SYT9: variants seen among roughly 807,000 people sequenced by gnomAD.
SYT9 encodes the protein synaptotagmin 9, also known as synaptotagmin-9.
A neutral mutation model predicts 48.4 loss-of-function variants in SYT9; 22 were observed. The ratio of observed to expected loss-of-function variants is 0.45; its 90% CI spans 0.32 to 0.65. SYT9 has a LOEUF of 0.65. SYT9 is among the 30% of genes least tolerant of loss of function. The pLI, the probability that SYT9 is intolerant of heterozygous loss-of-function variation, is 0.03. For synonymous variants in SYT9, 265 were observed against 245.0 expected, an observed-to-expected ratio of 1.08 and a Z score of -0.76; for missense variants, 577 against 622.0, an observed-to-expected ratio of 0.93 and a Z score of 0.77.
chr11:7,423,692 A>C lies in SYT9; in HGVS notation c.1467+3057A>C, dbSNP rs148574524. 3.6e-4 allele frequency among the ~76,000 whole-genome samples: 55 copies of C among 152,302 alleles called. No individual in the cohort carries two copies. The East Asian group carries it at 6.0e-3, about 17-fold the overall frequency. On this transcript the variant is annotated intron_variant, in intron 6 of 6. Transcript: ENST00000318881. Reference sequence around the variant, plus strand: ...TTATGGGCCTATGTCCTGTGAAGAAATATCATCCATGTGTGTCATGGAGAA... The same window carrying C: ...TTATGGGCCTATGTCCTGTGAAGAACTATCATCCATGTGTGTCATGGAGAA...
intron 2 of SYT9, among the ~76,000 whole-genome samples, chr11:7,306,600 G>A (rs1849035507): frequency 6.6e-6 from 1 of 152,148 alleles, no homozygotes; most frequent in Non-Finnish European, 1.5e-5. Context: ...CTGCCTTGAG[G>A]TCTTCACACG....
chr11:7,387,049 C>CA (rs1354038814), intron 3 of SYT9, among the ~76,000 whole-genome samples: 14 of 151,924 alleles, frequency 9.2e-5, no homozygotes, highest in Non-Finnish European at 1.5e-4. Context: ...ATCGCAAGGA[C>CA]AAAAAACCAA....
intron 3 of SYT9, among the ~76,000 whole-genome samples, chr11:7,339,414 C>T (rs1347668773): frequency 1.3e-5 from 2 of 151,992 alleles, no homozygotes; most frequent in African/African-American, 4.8e-5. Context: ...CTGGTTGTTA[C>T]GCCAGCTTGT....
At chr11:7,411,682 A>G (rs1847139150) in intron 3 of SYT9, among the ~76,000 whole-genome samples, 1 of 152,154 alleles carries the variant, frequency 6.6e-6, no homozygotes, top group African/African-American at 2.4e-5. Context: ...GTTTGACTAT[A>G]ATACGCTGCA....
intron 3 of SYT9, among the ~76,000 whole-genome samples, chr11:7,397,690 C>G (rs765506519): frequency 1.3e-5 from 2 of 152,054 alleles, no homozygotes; most frequent in Non-Finnish European, 2.9e-5. Flanking sequence ...TATCTAATTT[C>G]TCTCATCAAT....
At chr11:7,450,641 C>T (rs964531165) in intron 6 of SYT9, among the ~76,000 whole-genome samples, 12 of 152,246 alleles carry the variant, frequency 7.9e-5, no homozygotes, top group Admixed American at 3.9e-4. Context: ...AGCTACCAAG[C>T]TTATTTGGGT....
chr11:7,348,141 A>G lies in SYT9; in HGVS notation c.1044+34200A>G, dbSNP rs141065411. On this transcript the variant is annotated intron_variant, in intron 3 of 6. Transcript: ENST00000318881. ...CCATCAGGTCATGCAATGTTTAACA[A>G]TTATGGTTTGGCCACATTCTCCTAG... Among the ~76,000 whole-genome samples, 693 of 152,270 alleles carry G rather than the reference A, an allele frequency of 4.6e-3. 4 individuals are homozygous for G. The highest frequency in any genetic ancestry group is 0.016 in the African/African-American group (659 of 41,544).
chr11:7,378,879 C>G (rs1471350025), intron 3 of SYT9, among the ~76,000 whole-genome samples: 1 of 152,020 alleles, frequency 6.6e-6, no homozygotes. Flanking sequence ...AATGCAAGGT[C>G]AATTCAAAAT....
At chr11:7,326,567 CT>C (rs1025258005) in intron 3 of SYT9, among the ~76,000 whole-genome samples, 1 of 151,626 alleles carries the variant, frequency 6.6e-6, no homozygotes, top group African/African-American at 2.4e-5. Context: ...TTGGAAAAAA[CT>C]ACTTTAAAGT....
At chr11:7,310,444 A>ATTTT (rs34469345) in intron 2 of SYT9, among the ~76,000 whole-genome samples, 17 of 115,026 alleles carry the variant, frequency 1.5e-4, no homozygotes, top group Admixed American at 1.9e-4. Flanking sequence ...CATAACTGTG[A>ATTTT]TTTTTTTTTT....
intron 3 of SYT9, among the ~76,000 whole-genome samples, chr11:7,398,112 C>T (rs1846793191): frequency 6.6e-6 from 1 of 152,098 alleles, no homozygotes; most frequent in South Asian, 2.1e-4. Context: ...TTACAGATCC[C>T]CATCCTAAGA....
At chr11:7,305,717 G>A (rs765065541) in intron 2 of SYT9, among the ~76,000 whole-genome samples, 1 of 151,950 alleles carries the variant, frequency 6.6e-6, no homozygotes, top group Non-Finnish European at 1.5e-5. Context: ...CTTTCTCCCT[G>A]CCGACACCGT....
intron 1 of SYT9, 130 bp from the exon 2 acceptor site, chr11:7,302,909 G>T (rs774256893): frequency 3.9e-6 from 3 of 764,924 alleles, no homozygotes; most frequent in Non-Finnish European, 4.3e-6. Flanking sequence ...CCAGCCATGC[G>T]CCCCAGCATG....
At chr11:7,447,863 G>A (rs1564907471) in intron 6 of SYT9, among the ~76,000 whole-genome samples, 1 of 152,204 alleles carries the variant, frequency 6.6e-6, no homozygotes, top group Non-Finnish European at 1.5e-5. Context: ...GCCCAGTGTT[G>A]GCTGAATGAG....
intron 1 of SYT9, among the ~76,000 whole-genome samples, chr11:7,256,253 A>G (rs1261481281): frequency 6.6e-6 from 1 of 152,160 alleles, no homozygotes; most frequent in Non-Finnish European, 1.5e-5. Flanking sequence ...AGGTCATTTC[A>G]CTAGTCCTCA....
intron 1 of SYT9, among the ~76,000 whole-genome samples, chr11:7,259,464 T>G (rs184802223): frequency 3.9e-4 from 59 of 152,274 alleles, no homozygotes; most frequent in African/African-American, 1.4e-3. Context: ...TGATAAATTA[T>G]AAACAGTGAG....
intron 1 of SYT9, among the ~76,000 whole-genome samples, chr11:7,285,578 T>C (rs1848581238): frequency 1.3e-5 from 2 of 152,178 alleles, no homozygotes; most frequent in Non-Finnish European, 2.9e-5. Context: ...TGGCCTCATA[T>C]TTCAAAACAC....
intron 1 of SYT9, among the ~76,000 whole-genome samples, chr11:7,291,765 A>G (rs745770193): frequency 2.0e-5 from 3 of 152,104 alleles, no homozygotes; most frequent in Non-Finnish European, 4.4e-5. Flanking sequence ...CCATACCAAC[A>G]TAAGTACAGC....
intron 6 of SYT9, among the ~76,000 whole-genome samples, chr11:7,452,784 C>T (rs4595520): frequency 0.17 from 25,157 of 151,832 alleles, 2,478 homozygotes; most frequent in African/African-American, 0.26. Context: ...AAAACCTAAC[C>T]CAAACTCCTT....
Sources: allele counts gnomAD v4.1 joint callset (sites outside exome capture counted in the v4.1 genomes callset), GRCh38; gene constraint gnomAD v4.1.1; transcripts MANE v1.5; gene names NCBI Gene and HGNC (gene_info 2026-07-23, HGNC 2026-07-21).